SYNCRIP: variants seen among roughly 807,000 people sequenced by gnomAD.
The protein encoded by SYNCRIP is heterogeneous nuclear ribonucleoprotein Q.
SYNCRIP carries 9 observed loss-of-function variants against 68.9 expected under a neutral mutation model. The ratio of observed to expected loss-of-function variants is 0.13; its 90% CI spans 0.08 to 0.23. The LOEUF (loss-of-function observed/expected upper bound fraction) is 0.23, where lower values mean the gene tolerates loss of function less well. Ranked by LOEUF, SYNCRIP falls within the 10% of genes least tolerant of loss-of-function variation. The probability of loss-of-function intolerance (pLI) is 1.00; values close to 1 mark genes in which losing one functional copy is unlikely to be tolerated. For missense variants in SYNCRIP, 414 were observed against 770.6 expected, an observed-to-expected ratio of 0.54 and a Z score of 5.48; for synonymous variants, 258 against 254.0, an observed-to-expected ratio of 1.02 and a Z score of -0.15.
chr6:85,622,270 G>C (rs557435107), intron 8 of SYNCRIP, among the ~76,000 whole-genome samples: 1 of 152,234 alleles, frequency 6.6e-6, no homozygotes, highest in East Asian at 1.9e-4. Flanking sequence ...AGCTACTTGG[G>C]AGGCAGGAGA....
chr6:85,642,534 C>G (rs140325475), intron 1 of SYNCRIP, among the ~76,000 whole-genome samples: 1 of 152,160 alleles, frequency 6.6e-6, no homozygotes, highest in Non-Finnish European at 1.5e-5. Flanking sequence ...TGAAGCCGCT[C>G]GCGGTCCGTG....
chr6:85,612,784 A>G, downstream of SYNCRIP: 1 of 1,328,708 alleles, frequency 7.5e-7, no homozygotes, highest in Non-Finnish European at 1.0e-6. Context: ...CTGCAATAGA[A>G]TATGCTCCTA....
At chr6:85,641,544 C>A in intron 1 of SYNCRIP, 93 bp from the exon 2 acceptor site, 1 of 1,273,980 alleles carries the variant, frequency 7.8e-7, no homozygotes, top group South Asian at 1.5e-5. Context: ...CTACCATTTA[C>A]TACACCAGCT....
At chr6:85,635,742 C>A (rs564393073) in intron 6 of SYNCRIP, among the ~76,000 whole-genome samples, 9 of 125,796 alleles carry the variant, frequency 7.2e-5, no homozygotes, top group Non-Finnish European at 1.3e-4. Flanking sequence ...GGCACTCCTG[C>A]TGTCTAGGTG....
chr6:85,619,208 A>T, intron 9 of SYNCRIP, 60 bp downstream of exon 9: 1 of 1,588,448 alleles, frequency 6.3e-7, no homozygotes, highest in Admixed American at 1.9e-5. Flanking sequence ...CTATTTTGAG[A>T]TTCTAAAATG....
chr6:85,630,205 CA>C (rs1272145602), intron 6 of SYNCRIP, among the ~76,000 whole-genome samples: 90 of 151,236 alleles, frequency 6.0e-4, no homozygotes, highest in African/African-American at 1.7e-3. Context: ...ACTAAAAATA[CA>C]AAAAAATTAG....
intron 2 of SYNCRIP, among the ~76,000 whole-genome samples, chr6:85,640,989 C>T (rs1809072274): frequency 1.3e-5 from 2 of 152,140 alleles, no homozygotes; most frequent in South Asian, 4.1e-4. Context: ...TAAGAAGAAT[C>T]CTACTATAAA....
chr6:85,612,262 T>G (rs555811584), downstream of SYNCRIP: 3 of 152,222 alleles, frequency 2.0e-5, no homozygotes, highest in African/African-American at 7.2e-5. Context: ...AATCCTCTGC[T>G]ACTGAGGTAG....
intron 10 of SYNCRIP, among the ~76,000 whole-genome samples, chr6:85,616,226 G>C (rs1022601725): frequency 3.3e-5 from 5 of 152,104 alleles, no homozygotes; most frequent in African/African-American, 1.2e-4. Flanking sequence ...TTAAAACTTA[G>C]TGATTATTTT....
At chr6:85,641,980 G>A (rs1048485804) in intron 1 of SYNCRIP, among the ~76,000 whole-genome samples, 3 of 152,094 alleles carry the variant, frequency 2.0e-5, no homozygotes, top group African/African-American at 7.2e-5. Context: ...ACCCAGAGCG[G>A]CAGTCTCACC....
chr6:85,611,651 C>T, downstream of SYNCRIP: 1 of 152,446 alleles, frequency 6.6e-6, no homozygotes. Flanking sequence ...TGCTTCACCA[C>T]TGGACACTCA....
chr6:85,628,582 A>G (rs1201861319), intron 6 of SYNCRIP, among the ~76,000 whole-genome samples: 1 of 152,178 alleles, frequency 6.6e-6, no homozygotes, highest in African/African-American at 2.4e-5. Flanking sequence ...TTCTAACACA[A>G]TACTGTAAAC....
chr6:85,622,978 A>G (rs894464007), intron 7 of SYNCRIP, among the ~76,000 whole-genome samples: 2 of 152,222 alleles, frequency 1.3e-5, no homozygotes, highest in African/African-American at 4.8e-5. Context: ...AAATTTTCAT[A>G]TAATTGTTCT....
intron 1 of SYNCRIP, among the ~76,000 whole-genome samples, chr6:85,641,715 C>A (rs1809181514): frequency 6.6e-6 from 1 of 152,150 alleles, no homozygotes; most frequent in Non-Finnish European, 1.5e-5. Flanking sequence ...ACAAATAGAG[C>A]CCAATCAGCA....
At position 85,641,406 on chromosome 6, in the gene SYNCRIP, C is replaced by G; in HGVS notation, c.34G>C (p.Glu12Gln). 6.2e-7 allele frequency: 1 copy of G among 1,613,742 alleles called. No individual in the cohort carries two copies. Among genetic ancestry groups the G allele is most frequent in the Non-Finnish European group, 8.5e-7 (1 of 1,179,998 alleles). Residue 12 changes from glutamate (E) to glutamine (Q), a missense_variant, in exon 2 of 11, where the codon GAA (glutamate) becomes CAA (glutamine). Physicochemically the swap from Glu to Gln is conservative, Grantham distance 29 (BLOSUM62 2). Transcript: ENST00000369622. ...ATEHVNGNGT[E>Q]EPMDTTSAVI... Reference sequence around the variant, plus strand: ...GCAGAAGTAGTATCCATGGGCTCTTCAGTACCATTTCCATTAACATGTTCT... The same window carrying G: ...GCAGAAGTAGTATCCATGGGCTCTTGAGTACCATTTCCATTAACATGTTCT...
At chr6:85,624,884 T>C (rs1029869679) in intron 6 of SYNCRIP, among the ~76,000 whole-genome samples, 2 of 152,198 alleles carry the variant, frequency 1.3e-5, no homozygotes, top group African/African-American at 4.8e-5. Flanking sequence ...CACCTCAAAA[T>C]TTGTTACTAA....
At chr6:85,623,562 CAA>C (rs67258131) in intron 7 of SYNCRIP, among the ~76,000 whole-genome samples, 236 of 63,246 alleles carry the variant, frequency 3.7e-3, no homozygotes, top group African/African-American at 0.013. Context: ...AGACTGTCTC[CAA>C]AAAAAAAAAA....
Position 85,618,954 on chromosome 6 carries a change from T to C in SYNCRIP, c.1159-15A>G, listed in dbSNP as rs1806083825. ...TCTTCCATAGCCTTAAAAAATTAGA[T>C]AAGTCAATATAAAAATAGGACTTTC... is the stretch of plus-strand genomic sequence containing the variant. On this transcript the variant is annotated splice_polypyrimidine_tract_variant and intron_variant, in intron 9 of 10. Coordinates refer to ENST00000369622, the MANE Select transcript of SYNCRIP (RefSeq NM_006372.5). The C allele has an allele frequency of 1.3e-6, 2 of 1,593,228 alleles. No homozygotes were observed. Among genetic ancestry groups the C allele is most frequent in the Admixed American group, 1.8e-5 (1 of 57,018 alleles).
intron 6 of SYNCRIP, among the ~76,000 whole-genome samples, chr6:85,636,310 G>C (rs1304208542): frequency 6.6e-6 from 1 of 152,072 alleles, no homozygotes; most frequent in East Asian, 1.9e-4. Flanking sequence ...CCTGAGCGTG[G>C]TGGCAGGCGC....
Sources: gnomAD v4.1 joint callset for allele counts (sites outside exome capture counted in the v4.1 genomes callset) on GRCh38, gnomAD v4.1.1 for gene constraint, MANE v1.5 for transcripts, NCBI Gene and HGNC (gene_info 2026-07-23, HGNC 2026-07-21) for gene names.